SFMBT2: variants seen among roughly 807,000 people sequenced by gnomAD.
SFMBT2 encodes scm-like with four MBT domains protein 2.
A neutral mutation model predicts 110.1 loss-of-function variants in SFMBT2; 38 were observed. The ratio of observed to expected loss-of-function variants is 0.35; its 90% CI spans 0.27 to 0.45. The LOEUF (loss-of-function observed/expected upper bound fraction) is 0.45. Among genes scored for constraint, SFMBT2 ranks in the 20% least tolerant of loss-of-function variants. The pLI, the probability that SFMBT2 is intolerant of heterozygous loss-of-function variation, is 1.00. For synonymous variants in SFMBT2, 425 were observed against 425.4 expected (o/e 1.00, Z 0.01); for missense variants, 1,011 against 1,094.9 (o/e 0.92, Z 1.08).
chr10:7,210,129 T>G (rs1197572872), intron 11 of SFMBT2, among the ~76,000 whole-genome samples: 1 of 152,108 alleles, frequency 6.6e-6, no homozygotes, highest in Non-Finnish European at 1.5e-5. Context: ...TTGTCCCCGG[T>G]TCAGCAGGAC....
At chr10:7,377,300 A>T (rs1265495137) in intron 2 of SFMBT2, among the ~76,000 whole-genome samples, 1 of 152,140 alleles carries the variant, frequency 6.6e-6, no homozygotes, top group African/African-American at 2.4e-5. Flanking sequence ...GGGAGACAGT[A>T]ACACAGTGGT....
chr10:7,251,029 A>G (rs1026324426), intron 7 of SFMBT2, among the ~76,000 whole-genome samples: 1 of 152,238 alleles, frequency 6.6e-6, no homozygotes, highest in Non-Finnish European at 1.5e-5. Context: ...GAATGTTTCT[A>G]GCACAAAGAA....
chr10:7,278,433 G>A (rs968083510), intron 6 of SFMBT2, among the ~76,000 whole-genome samples: 12 of 152,128 alleles, frequency 7.9e-5, no homozygotes, highest in African/African-American at 2.7e-4. Flanking sequence ...TCCAAACCAC[G>A]GAGAGACAGA....
chr10:7,236,707 A>C (rs1462609119), intron 9 of SFMBT2, among the ~76,000 whole-genome samples: 1 of 152,226 alleles, frequency 6.6e-6, no homozygotes, highest in Non-Finnish European at 1.5e-5. Flanking sequence ...TTTTAAAGAA[A>C]ACACATCAGT....
intron 4 of SFMBT2, among the ~76,000 whole-genome samples, chr10:7,333,046 T>C (rs529145379): frequency 1.3e-5 from 2 of 152,202 alleles, no homozygotes; most frequent in East Asian, 3.9e-4. Context: ...TTTGTACTTT[T>C]AGTAGAGATG....
chr10:7,216,402 T>G (rs994611646), intron 11 of SFMBT2, among the ~76,000 whole-genome samples: 1 of 152,222 alleles, frequency 6.6e-6, no homozygotes, highest in African/African-American at 2.4e-5. Flanking sequence ...TTTCCCTTTT[T>G]GCTTGGCCTC....
rs115860035 is a variant in SFMBT2, at chr10:7,324,670, G to C, written c.437-38716C>G. On this transcript the variant is annotated intron_variant, in intron 4 of 20. Transcript: ENST00000397167. ...TGGGCTACTCCATCAGAAAAGCATA[G>C]ACTGGGTGTCTTAAACAGAAACGTA... Among the ~76,000 whole-genome samples the C allele has an allele frequency of 6.7e-3, 1,023 of 152,334 alleles. 18 individuals carry two copies. Among genetic ancestry groups the C allele is most frequent in the African/African-American group, 0.023 (952 of 41,578 alleles).
chr10:7,287,169 T>G (rs1422194504), intron 4 of SFMBT2, among the ~76,000 whole-genome samples: 2 of 136,022 alleles, frequency 1.5e-5, no homozygotes, highest in Non-Finnish European at 3.1e-5. Flanking sequence ...AAGCTCCGCC[T>G]CCCAGGTTCA....
intron 4 of SFMBT2, among the ~76,000 whole-genome samples, chr10:7,334,963 C>G (rs1314952777): frequency 6.6e-6 from 1 of 152,098 alleles, no homozygotes; most frequent in Non-Finnish European, 1.5e-5. Context: ...CAGACAGAAG[C>G]TAGGGAGGAA....
chr10:7,379,179 G>C (rs1252341112), intron 2 of SFMBT2, among the ~76,000 whole-genome samples: 1 of 152,082 alleles, frequency 6.6e-6, no homozygotes, highest in Non-Finnish European at 1.5e-5. Flanking sequence ...ACCAGCTAAA[G>C]AACACTGGGT....
chr10:7,371,418 T>C (rs1199050183), intron 2 of SFMBT2, among the ~76,000 whole-genome samples: 1 of 152,134 alleles, frequency 6.6e-6, no homozygotes, highest in African/African-American at 2.4e-5. Context: ...TGAGCCACCA[T>C]GCCCGGCCAG....
At chr10:7,190,197 C>T (rs995011002) in intron 15 of SFMBT2, among the ~76,000 whole-genome samples, 9 of 151,884 alleles carry the variant, frequency 5.9e-5, no homozygotes, top group Admixed American at 1.3e-4. Flanking sequence ...AGTTTTGTTG[C>T]GTTTGTGTTT....
intron 4 of SFMBT2, among the ~76,000 whole-genome samples, chr10:7,345,657 C>T (rs932117100): frequency 5.3e-5 from 8 of 152,176 alleles, no homozygotes; most frequent in African/African-American, 1.9e-4. Flanking sequence ...GTGCCCAGCC[C>T]AAATATCTTT....
At chr10:7,406,864 A>T (rs72775583) in intron 1 of SFMBT2, among the ~76,000 whole-genome samples, 2,822 of 152,226 alleles carry the variant, frequency 0.019, 41 homozygotes, top group Non-Finnish European at 0.027. Flanking sequence ...AACAGAGTGG[A>T]TGACCACTCT....
chr10:7,360,106 A>C (rs1192752023), intron 4 of SFMBT2, among the ~76,000 whole-genome samples: 1 of 152,236 alleles, frequency 6.6e-6, no homozygotes, highest in Non-Finnish European at 1.5e-5. Context: ...GTATCTTCTA[A>C]TTGGAGAGCT....
At chr10:7,287,777 A>T (rs1842138955) in intron 4 of SFMBT2, among the ~76,000 whole-genome samples, 1 of 152,228 alleles carries the variant, frequency 6.6e-6, no homozygotes, top group African/African-American at 2.4e-5. Context: ...GAATTACTAC[A>T]AAAGGGAAGT....
chr10:7,233,594 C>G (rs1840173247), intron 9 of SFMBT2, among the ~76,000 whole-genome samples: 1 of 152,148 alleles, frequency 6.6e-6, no homozygotes, highest in Non-Finnish European at 1.5e-5. Flanking sequence ...ATACCAGGAC[C>G]CAGATATGTG....
intron 6 of SFMBT2, among the ~76,000 whole-genome samples, chr10:7,281,695 C>T (rs1371664923): frequency 1.3e-5 from 2 of 152,208 alleles, no homozygotes; most frequent in African/African-American, 4.8e-5. Context: ...CAGTTTCCAT[C>T]TTGAAACTAC....
At chr10:7,302,265 C>T (rs1047387767) in intron 4 of SFMBT2, among the ~76,000 whole-genome samples, 3 of 152,234 alleles carry the variant, frequency 2.0e-5, no homozygotes, top group African/African-American at 7.2e-5. Context: ...CACCCTCCCT[C>T]TTCTCTCATG....
Sources: allele counts gnomAD v4.1 joint callset (sites outside exome capture counted in the v4.1 genomes callset), GRCh38; gene constraint gnomAD v4.1.1; transcripts MANE v1.5; gene names NCBI Gene and HGNC (gene_info 2026-07-23, HGNC 2026-07-21).